MYO3B: variants seen among roughly 807,000 people sequenced by gnomAD.
MYO3B encodes myosin-IIIb.
Under a neutral mutation model 174.6 loss-of-function variants are expected in MYO3B, and 156 were observed. That is an observed-to-expected ratio of 0.89 (90% CI 0.78 to 1.02). The LOEUF (loss-of-function observed/expected upper bound fraction) is 1.02, where lower values mean the gene tolerates loss of function less well. Among genes scored for constraint, MYO3B ranks in the 50% least tolerant of loss-of-function variants. The pLI, the probability that MYO3B is intolerant of heterozygous loss-of-function variation, is 0.00. For synonymous variants in MYO3B, 563 were observed against 569.1 expected (o/e 0.99, Z 0.15); for missense variants, 1,632 against 1,639.4 (o/e 1.00, Z 0.08).
intron 32 of MYO3B, among the ~76,000 whole-genome samples, chr2:170,621,954 T>C (rs564881331): frequency 1.3e-5 from 2 of 152,326 alleles, no homozygotes; most frequent in Non-Finnish European, 2.9e-5. Flanking sequence ...GGAGCTGATC[T>C]TACCCTTGTA....
chr2:170,619,744 T>TTTTTTTTTTTTTTC, intron 32 of MYO3B, among the ~76,000 whole-genome samples: 1 of 112,488 alleles, frequency 8.9e-6, no homozygotes, highest in African/African-American at 3.4e-5. Flanking sequence ...ATTCTTTTTT[T>TTTTTTTTTTTTTTC]TTTTTTTTTT....
chr2:170,554,506 C>T (rs967533264), intron 32 of MYO3B, among the ~76,000 whole-genome samples: 11 of 152,288 alleles, frequency 7.2e-5, no homozygotes, highest in African/African-American at 9.6e-5. Context: ...AGATACAAGC[C>T]GCAGAGGTCA....
chr2:170,484,672 T>C (rs1200559854), intron 25 of MYO3B, among the ~76,000 whole-genome samples: 1 of 152,192 alleles, frequency 6.6e-6, no homozygotes, highest in Admixed American at 6.5e-5. Context: ...TAGCACAGAT[T>C]AGTGCAATTT....
chr2:170,489,679 G>GTGTGTC (rs1389067011), intron 25 of MYO3B, among the ~76,000 whole-genome samples: 40 of 141,940 alleles, frequency 2.8e-4, no homozygotes, highest in South Asian at 9.0e-4. Flanking sequence ...CTGGGTAAGT[G>GTGTGTC]TGGGTAAGTG....
intron 7 of MYO3B, among the ~76,000 whole-genome samples, chr2:170,290,053 T>A (rs34919324): frequency 2.6e-5 from 4 of 152,084 alleles, no homozygotes; most frequent in African/African-American, 9.7e-5. Context: ...TTGTGATCCA[T>A]TGTGATCAGA....
chr2:170,393,932 AG>A (rs1291087384), intron 16 of MYO3B, among the ~76,000 whole-genome samples: 1 of 152,210 alleles, frequency 6.6e-6, no homozygotes, highest in African/African-American at 2.4e-5. Flanking sequence ...CTTAAAGAAC[AG>A]GTTTTTTAAA....
chr2:170,367,298 G>A (rs1333163400), intron 8 of MYO3B, among the ~76,000 whole-genome samples: 2 of 152,230 alleles, frequency 1.3e-5, no homozygotes, highest in Non-Finnish European at 2.9e-5. Flanking sequence ...AATATTATGT[G>A]AGGAAACAAG....
intron 32 of MYO3B, among the ~76,000 whole-genome samples, chr2:170,567,183 A>C (rs74481840): frequency 6.6e-6 from 1 of 152,200 alleles, no homozygotes; most frequent in African/African-American, 2.4e-5. Context: ...TAAATAAGGC[A>C]GTAGAGGAAG....
At chr2:170,475,524 G>A (rs923719334) in intron 25 of MYO3B, among the ~76,000 whole-genome samples, 11 of 152,118 alleles carry the variant, frequency 7.2e-5, no homozygotes, top group Non-Finnish European at 1.3e-4. Context: ...CAAAGTGCTG[G>A]GATTACAGGT....
chr2:170,356,265 G>A (rs11693996), intron 8 of MYO3B, among the ~76,000 whole-genome samples: 76,339 of 151,736 alleles, frequency 0.5, 20,097 homozygotes, highest in Admixed American at 0.62. Flanking sequence ...CTGGCCAACA[G>A]GCTTCGGTTT....
chr2:170,642,028 C>T (rs1216118606), intron 32 of MYO3B, among the ~76,000 whole-genome samples: 4 of 151,980 alleles, frequency 2.6e-5, no homozygotes, highest in East Asian at 3.9e-4. Context: ...CTCTTTGAAA[C>T]GCCTCTGGAC....
chr2:170,561,130 G>T (rs1691684020), intron 32 of MYO3B, among the ~76,000 whole-genome samples: 1 of 152,060 alleles, frequency 6.6e-6, no homozygotes, highest in Admixed American at 6.5e-5. Context: ...TCCATTAATG[G>T]AACCCCCATT....
rs968475351 is a variant in MYO3B, at chr2:170,598,851, G to A, written c.3734-52777G>A. 2.0e-5 allele frequency among the ~76,000 whole-genome samples: 3 copies of A among 152,186 alleles called. No individual in the cohort carries two copies. In the East Asian group the frequency reaches 5.8e-4, roughly 29 times the overall value. ...ACGGGAATTAAATGAAATTACCCATGTCCAGAGCTAAGCTAAGAATCTAGT... is the reference window on the plus strand; with the variant it reads ...ACGGGAATTAAATGAAATTACCCATATCCAGAGCTAAGCTAAGAATCTAGT... On this transcript the variant is annotated intron_variant, in intron 32 of 34. Coordinates refer to ENST00000408978, the MANE Select transcript of MYO3B (RefSeq NM_138995.5).
At chr2:170,311,693 A>T (rs75288533) in intron 7 of MYO3B, among the ~76,000 whole-genome samples, 2 of 151,978 alleles carry the variant, frequency 1.3e-5, no homozygotes, top group Non-Finnish European at 2.9e-5. Flanking sequence ...GTCCAAGGTC[A>T]TGAAGATTTA....
chr2:170,501,398 G>T (rs576133582), intron 27 of MYO3B, among the ~76,000 whole-genome samples: 1 of 152,260 alleles, frequency 6.6e-6, no homozygotes, highest in Non-Finnish European at 1.5e-5. Flanking sequence ...GGCTATTCCA[G>T]TTCCTTTCTA....
chr2:170,317,638 C>A (rs1455610292), intron 7 of MYO3B, among the ~76,000 whole-genome samples: 2 of 152,120 alleles, frequency 1.3e-5, no homozygotes, highest in African/African-American at 4.8e-5. Context: ...TGGTGAAAGA[C>A]CGGAGGTTGC....
At position 170,214,462 on chromosome 2, in the gene MYO3B, C is replaced by G. The variant is rs1373340090; in HGVS notation, c.405C>G (p.Tyr135Ter). Residue 135 changes from tyrosine (Y) to a stop codon, truncating the protein, a stop_gained, in exon 4 of 35, where the codon TAC becomes TAG. Coordinates refer to ENST00000408978, the MANE Select transcript of MYO3B (RefSeq NM_138995.5). LOFTEE classifies it high-confidence loss of function. ...GQRLDEAMIS[Y>*]ILYGALLGLQ... ...GGTTGGATGAAGCAATGATCTCATA[C>G]ATCTTGTACGGGGCCCTCTTGGTAA... 7 of 1,614,060 alleles carry G rather than the reference C, an allele frequency of 4.3e-6. No homozygotes were observed. Among genetic ancestry groups the G allele is most frequent in the Non-Finnish European group, 5.1e-6 (6 of 1,180,008 alleles).
chr2:170,614,812 T>A (rs1221887543), intron 32 of MYO3B, among the ~76,000 whole-genome samples: 1 of 152,164 alleles, frequency 6.6e-6, no homozygotes, highest in Non-Finnish European at 1.5e-5. Context: ...CTATCTCTTC[T>A]GTCTTTAGAA....
At chr2:170,452,610 G>C (rs1428533910) in intron 23 of MYO3B, among the ~76,000 whole-genome samples, 3 of 152,142 alleles carry the variant, frequency 2.0e-5, no homozygotes, top group Non-Finnish European at 2.9e-5. Context: ...AGCCAGGAAA[G>C]CCAATATTTT....
Sources: allele counts gnomAD v4.1 joint callset (sites outside exome capture counted in the v4.1 genomes callset), GRCh38; gene constraint gnomAD v4.1.1; transcripts MANE v1.5; gene names NCBI Gene and HGNC (gene_info 2026-07-23, HGNC 2026-07-21).